The following BTBD9 variants were observed in gnomAD, a reference collection of about 807,000 sequenced individuals.
BTBD9 encodes the protein BTB domain containing 9.
Under a neutral mutation model 64.3 loss-of-function variants are expected in BTBD9, and 49 were observed. That is an observed-to-expected ratio of 0.76 (90% confidence interval 0.61 to 0.97). The LOEUF (loss-of-function observed/expected upper bound fraction) is 0.97. Ranked by LOEUF, BTBD9 falls within the 50% of genes least tolerant of loss-of-function variation. BTBD9 has a pLI of 0.00. For synonymous variants in BTBD9, 260 were observed against 274.7 expected, an observed-to-expected ratio of 0.95 and a Z score of 0.53; for missense variants, 598 against 762.1, an observed-to-expected ratio of 0.78 and a Z score of 2.53.
intron 4 of BTBD9, among the ~76,000 whole-genome samples, chr6:38,585,372 G>T (rs1295726941): frequency 6.6e-6 from 1 of 152,122 alleles, no homozygotes; most frequent in African/African-American, 2.4e-5. Flanking sequence ...GTGGTGGGAT[G>T]ATTATAGCTC....
rs1050766186 is a variant in BTBD9 at position 38,368,428 on chromosome 6, G to A, written c.1155-23335C>T. Among the ~76,000 whole-genome samples, 10 of 151,982 alleles carry A rather than the reference G, an allele frequency of 6.6e-5. 1 individual carries two copies. The highest frequency in any genetic ancestry group is 5.2e-4 in the Admixed American group (8 of 15,258). The stretch of plus-strand genomic sequence containing the variant: ...CAGCTCACTGCAACCTTTACCTCAC[G>A]GGTTCAAGCGATTCTCCTGCCTCAG... On this transcript the variant is annotated intron_variant, in intron 6 of 10. Transcript: ENST00000481247.
chr6:38,187,632 G>C (rs757975367), intron 10 of BTBD9, among the ~76,000 whole-genome samples: 7 of 152,292 alleles, frequency 4.6e-5, no homozygotes, highest in East Asian at 1.9e-4. Context: ...CACACAGTGG[G>C]GGGGAGTGAA....
intron 7 of BTBD9, among the ~76,000 whole-genome samples, chr6:38,289,346 C>T (rs1761871798): frequency 6.6e-6 from 1 of 152,064 alleles, no homozygotes; most frequent in Non-Finnish European, 1.5e-5. Context: ...TGTCCTCCAG[C>T]CTTAATAACA....
intron 6 of BTBD9, among the ~76,000 whole-genome samples, chr6:38,411,832 G>A (rs532429226): frequency 1.3e-5 from 2 of 152,146 alleles, no homozygotes; most frequent in African/African-American, 4.8e-5. Flanking sequence ...AGCCACTCAG[G>A]AGGCTGAAGT....
At chr6:38,228,351 C>CCCCCA (rs566108714) in intron 9 of BTBD9, among the ~76,000 whole-genome samples, 6 of 28,300 alleles carry the variant, frequency 2.1e-4, no homozygotes, top group Non-Finnish European at 2.6e-4. Flanking sequence ...TCCCCCCCCC[C>CCCCCA]AAAAAAAAAA....
chr6:38,435,966 G>A (rs1399049885), intron 6 of BTBD9, among the ~76,000 whole-genome samples: 1 of 151,682 alleles, frequency 6.6e-6, no homozygotes, highest in Non-Finnish European at 1.5e-5. Flanking sequence ...ACCTCACCCA[G>A]CCCAGAGAGT....
chr6:38,225,315 T>G (rs921970807), intron 9 of BTBD9, among the ~76,000 whole-genome samples: 1 of 152,198 alleles, frequency 6.6e-6, no homozygotes, highest in Non-Finnish European at 1.5e-5. Flanking sequence ...TTCACTTGAA[T>G]GAAGTCACCA....
chr6:38,344,967 C>A lies in BTBD9; in HGVS notation c.1264+17G>T. 1 of 1,460,406 alleles carries A rather than the reference C, an allele frequency of 6.8e-7. No individual in the cohort carries two copies. Among genetic ancestry groups the A allele is most frequent in the Non-Finnish European group, 9.5e-7 (1 of 1,054,288 alleles). The allele number at this position is 1,460,406 out of a possible 1,614,324, so 90.5% of individuals were successfully genotyped here. The stretch of plus-strand genomic sequence containing the variant: ...AATATCCAAATATACATACAAAAAT[C>A]TAATGGTAATACTTACCTATCAGCC... On this transcript the variant is annotated intron_variant, in intron 7 of 10. Coordinates refer to ENST00000481247, the MANE Select transcript of BTBD9 (RefSeq NM_001099272.2).
intron 6 of BTBD9, among the ~76,000 whole-genome samples, chr6:38,358,201 T>C (rs530798953): frequency 2.4e-4 from 36 of 152,068 alleles, no homozygotes; most frequent in African/African-American, 8.7e-4. Flanking sequence ...TCCAGAACAA[T>C]CACTATATTC....
intron 1 of BTBD9, among the ~76,000 whole-genome samples, chr6:38,602,045 T>A (rs1777263392): frequency 6.6e-6 from 1 of 152,142 alleles, no homozygotes; most frequent in African/African-American, 2.4e-5. Context: ...ACATAAGTTG[T>A]TTGGGGATAG....
intron 6 of BTBD9, among the ~76,000 whole-genome samples, chr6:38,549,941 A>G (rs1384938723): frequency 6.6e-6 from 1 of 152,038 alleles, no homozygotes; most frequent in Admixed American, 6.5e-5. Flanking sequence ...CTGTGAAAAC[A>G]CTTCCCTGCT....
At chr6:38,390,569 T>G (rs1462746338) in intron 6 of BTBD9, among the ~76,000 whole-genome samples, 1 of 152,126 alleles carries the variant, frequency 6.6e-6, no homozygotes, top group East Asian at 1.9e-4. Flanking sequence ...TGAACATTAA[T>G]AGGTGAAATC....
At chr6:38,189,329 C>T (rs961941199) in intron 10 of BTBD9, among the ~76,000 whole-genome samples, 3 of 152,236 alleles carry the variant, frequency 2.0e-5, no homozygotes, top group Non-Finnish European at 4.4e-5. Flanking sequence ...TCCCTCACGC[C>T]TCTGAACTCT....
At chr6:38,205,287 GA>G (rs1762596720) in intron 9 of BTBD9, among the ~76,000 whole-genome samples, 1 of 152,132 alleles carries the variant, frequency 6.6e-6, no homozygotes, top group Non-Finnish European at 1.5e-5. Flanking sequence ...ATATTATTAA[GA>G]AACTTTGGAA....
At chr6:38,450,643 C>G (rs1245281554) in intron 6 of BTBD9, among the ~76,000 whole-genome samples, 1 of 152,164 alleles carries the variant, frequency 6.6e-6, no homozygotes, top group Non-Finnish European at 1.5e-5. Context: ...GATTTAAGTA[C>G]TAACTGAATG....
intron 6 of BTBD9, among the ~76,000 whole-genome samples, chr6:38,414,617 AC>A (rs1767583907): frequency 6.6e-6 from 1 of 151,386 alleles, no homozygotes. Context: ...TTGGTCTTCC[AC>A]CCCCACTACT....
intron 6 of BTBD9, among the ~76,000 whole-genome samples, chr6:38,410,328 A>T (rs1767364094): frequency 6.6e-6 from 1 of 151,448 alleles, no homozygotes; most frequent in South Asian, 2.1e-4. Context: ...TTTAAAAATT[A>T]GCCAGGCATG....
rs377325269 is a variant in BTBD9 at position 38,244,298 on chromosome 6, C to T, written c.1562+12111G>A. Among the ~76,000 whole-genome samples the T allele has an allele frequency of 3.3e-5, 5 of 152,218 alleles. No individual in the cohort carries two copies. The East Asian group carries it at 7.7e-4, about 24-fold the overall frequency. On this transcript the variant is annotated intron_variant, in intron 9 of 10. Transcript: ENST00000481247. Reference sequence around the variant, plus strand: ...CATGGTAAGGGTGCTGACTGAGCACCTCTCTGGATGGTGGTAGGCTGGACC... The same window carrying T: ...CATGGTAAGGGTGCTGACTGAGCACTTCTCTGGATGGTGGTAGGCTGGACC...
intron 8 of BTBD9, among the ~76,000 whole-genome samples, chr6:38,269,872 AC>A (rs1205902074): frequency 6.6e-6 from 1 of 152,140 alleles, no homozygotes; most frequent in Non-Finnish European, 1.5e-5. Flanking sequence ...ATGAATATTC[AC>A]CAGAGTGTAC....
Sources: gnomAD v4.1 joint callset for allele counts (sites outside exome capture counted in the v4.1 genomes callset) on GRCh38, gnomAD v4.1.1 for gene constraint, MANE v1.5 for transcripts, NCBI Gene and HGNC (gene_info 2026-07-23, HGNC 2026-07-21) for gene names.